The following CTXN2 variants were observed in gnomAD, a reference collection of about 807,000 sequenced individuals.
CTXN2 encodes cortexin 2.
CTXN2 carries 3 observed loss-of-function variants against 5.7 expected under a neutral mutation model. That is an observed-to-expected ratio of 0.53 (90% CI 0.24 to 1.36). The LOEUF is 1.36. Ranked by LOEUF, CTXN2 falls within the 40% of genes most tolerant of loss-of-function variation. The pLI is 0.17. For missense variants in CTXN2, 87 were observed against 93.0 expected, an observed-to-expected ratio of 0.94 and a Z score of 0.26; for synonymous variants, 38 against 36.4, an observed-to-expected ratio of 1.04 and a Z score of -0.16.
chr15:48,191,678 A>C lies in CTXN2; in HGVS notation c.-233A>C, dbSNP rs1431666449. 2.2e-6 allele frequency: 1 copy of C among 455,650 alleles called. No individual in the cohort carries two copies. The highest frequency in any genetic ancestry group is 3.2e-4 in the Middle Eastern group (1 of 3,084). The allele number at this position is 455,650 out of a possible 1,614,324, so 28.2% of individuals were successfully genotyped here. Reference sequence around the variant, plus strand: ...CCCACGTCCTCTGTCTCACCAACAGACACAGACATTTACACTTCTAGGCCA... The same window carrying C: ...CCCACGTCCTCTGTCTCACCAACAGCCACAGACATTTACACTTCTAGGCCA... On this transcript the variant is annotated 5_prime_UTR_variant, in exon 1 of 2. Transcript: ENST00000417307.
chr15:48,181,338 G>T (rs1429420546), intron 1 of CTXN2, among the ~76,000 whole-genome samples: 1 of 152,190 alleles, frequency 6.6e-6, no homozygotes, highest in Admixed American at 6.5e-5. Context: ...CAAGATGGCT[G>T]CTGGAGATCG....
chr15:48,194,777 ATCAATC>A (rs1220648302), intron 1 of CTXN2, among the ~76,000 whole-genome samples: 1 of 152,096 alleles, frequency 6.6e-6, no homozygotes, highest in African/African-American at 2.4e-5. Context: ...TGCTCTCTGG[ATCAATC>A]TAGAACAAGT....
At chr15:48,187,098 A>G (rs1460948485), upstream of CTXN2, among the ~76,000 whole-genome samples, 1 of 152,196 alleles carries the variant, frequency 6.6e-6, no homozygotes, top group Admixed American at 6.5e-5. Context: ...ACATCTGTAT[A>G]TATGTATTTT....
intron 1 of CTXN2, among the ~76,000 whole-genome samples, chr15:48,179,065 C>G (rs1205455270): frequency 6.6e-6 from 1 of 151,798 alleles, no homozygotes; most frequent in East Asian, 1.9e-4. Flanking sequence ...TATACGCTCT[C>G]AAATTTAATT....
chr15:48,201,251 G>A lies in CTXN2; in HGVS notation c.-50G>A. On this transcript the variant is annotated 5_prime_UTR_variant, in exon 2 of 2. Transcript: ENST00000417307. ...GTCCAATTTTGTACCTAGGCAAAGA[G>A]TTGATTCCAGAAGGAACTGTGAAGA... The A allele has an allele frequency of 2.6e-6, 4 of 1,542,810 alleles. No homozygotes were observed. The highest frequency in any genetic ancestry group is 2.6e-6 in the Non-Finnish European group (3 of 1,141,026).
chr15:48,181,801 T>A (rs1324765960), intron 1 of CTXN2, among the ~76,000 whole-genome samples: 1 of 152,052 alleles, frequency 6.6e-6, no homozygotes, highest in Non-Finnish European at 1.5e-5. Flanking sequence ...CAATATGAAG[T>A]AAAACAAAAA....
chr15:48,192,877 G>T (rs2040837332), intron 1 of CTXN2, among the ~76,000 whole-genome samples: 1 of 152,082 alleles, frequency 6.6e-6, no homozygotes, highest in African/African-American at 2.4e-5. Flanking sequence ...TTCTGTAATT[G>T]TGCATTGTTG....
At chr15:48,198,656 T>G (rs1278228352) in intron 1 of CTXN2, among the ~76,000 whole-genome samples, 1 of 152,212 alleles carries the variant, frequency 6.6e-6, no homozygotes, top group Non-Finnish European at 1.5e-5. Context: ...TATTGCTGCC[T>G]CTAAAAAATG....
chr15:48,186,978 G>A (rs976350247), upstream of CTXN2, among the ~76,000 whole-genome samples: 4 of 150,520 alleles, frequency 2.7e-5, no homozygotes, highest in African/African-American at 9.8e-5. Flanking sequence ...CAGGGAATGA[G>A]ATCATGTACC....
chr15:48,191,626 G>GC (rs1208008768), upstream of CTXN2: 1 of 436,604 alleles, frequency 2.3e-6, no homozygotes, highest in Non-Finnish European at 4.6e-6. Flanking sequence ...CTGCAAACGC[G>GC]CGCGCGCACA....
chr15:48,195,962 G>C (rs781053082), intron 1 of CTXN2, among the ~76,000 whole-genome samples: 12 of 152,050 alleles, frequency 7.9e-5, no homozygotes, highest in Non-Finnish European at 1.8e-4. Context: ...TTAAGTAGAG[G>C]AGTGCATGTC....
upstream of CTXN2, among the ~76,000 whole-genome samples, chr15:48,187,272 T>C (rs2040767047): frequency 6.6e-6 from 1 of 151,934 alleles, no homozygotes; most frequent in South Asian, 2.1e-4. Flanking sequence ...AAAGGTTGAC[T>C]TTTGAATATA....
intron 1 of CTXN2, among the ~76,000 whole-genome samples, chr15:48,192,938 G>A (rs1295576028): frequency 6.6e-6 from 1 of 152,068 alleles, no homozygotes; most frequent in East Asian, 1.9e-4. Context: ...CTCTAGTAAG[G>A]TTATTTCACA....
chr15:48,188,671 C>T (rs1031027916), upstream of CTXN2, among the ~76,000 whole-genome samples: 2 of 152,126 alleles, frequency 1.3e-5, no homozygotes, highest in Admixed American at 6.5e-5. Context: ...ATGTCACCAA[C>T]ATATTTACCT....
chr15:48,191,920 A>G (rs1391854946), intron 1 of CTXN2, 67 bp downstream of exon 1: 1 of 437,086 alleles, frequency 2.3e-6, no homozygotes, highest in Non-Finnish European at 4.6e-6. Flanking sequence ...CAGCGTTCCA[A>G]ATGCAGGTCC....
chr15:48,195,355 G>A (rs1397832248), intron 1 of CTXN2, among the ~76,000 whole-genome samples: 1 of 151,880 alleles, frequency 6.6e-6, no homozygotes, highest in African/African-American at 2.4e-5. Flanking sequence ...CTTCTCACCT[G>A]AACCATTTCT....
chr15:48,195,458 C>A (rs539858463), intron 1 of CTXN2, among the ~76,000 whole-genome samples: 3 of 152,088 alleles, frequency 2.0e-5, no homozygotes, highest in African/African-American at 7.2e-5. Context: ...AAACTCTTAG[C>A]CTGACAGTCA....
At position 48,202,792 on chromosome 15, in the gene CTXN2, A is replaced by G. The variant is rs1325767682; in HGVS notation, c.*1246A>G. The G allele has an allele frequency of 6.0e-6, 1 of 166,732 alleles. No individual in the cohort carries two copies. Among genetic ancestry groups the G allele is most frequent in the East Asian group, 1.9e-4 (1 of 5,202 alleles). The allele number at this position is 166,732 out of a possible 1,614,324, so 10.3% of individuals were successfully genotyped here. ...ATCTCTCTAGTATTTCATTCTCTTC[A>G]ATTGAGAAATAAAAAGATAAAATTA... On this transcript the variant is annotated 3_prime_UTR_variant, in exon 2 of 2. Coordinates refer to ENST00000417307, the MANE Select transcript of CTXN2 (RefSeq NM_001145668.2).
intron 1 of CTXN2, 91 bp from the exon 2 acceptor site, chr15:48,201,150 CAAG>C: frequency 1.4e-6 from 1 of 703,456 alleles, no homozygotes; most frequent in Non-Finnish European, 2.3e-6. Context: ...TGAGTTAAGT[CAAG>C]AAGGTTTGAA....
Sources: allele counts gnomAD v4.1 joint callset (sites outside exome capture counted in the v4.1 genomes callset), GRCh38; gene constraint gnomAD v4.1.1; transcripts MANE v1.5; gene names NCBI Gene and HGNC (gene_info 2026-07-23, HGNC 2026-07-21).